The following LOC400499 variants were observed in gnomAD, a reference collection of about 807,000 sequenced individuals.
chr16:11,457,088 T>C, the LOC400499 span: 1 of 1,463,198 alleles, frequency 6.8e-7, no homozygotes, highest in Non-Finnish European at 9.0e-7. Context: ...ATGCCACCCC[T>C]GGCGTAGAAT....
chr16:11,485,809 G>A, the LOC400499 span, among the ~76,000 whole-genome samples: 1 of 152,236 alleles, frequency 6.6e-6, no homozygotes, highest in Non-Finnish European at 1.5e-5. Flanking sequence ...AATGACTGGT[G>A]AGTGGATGGA....
the LOC400499 span, among the ~76,000 whole-genome samples, chr16:11,411,077 GT>G: frequency 3.0e-4 from 45 of 151,934 alleles, no homozygotes; most frequent in African/African-American, 1.1e-3. Context: ...ACCTGGGTAT[GT>G]TTGGGAAAGC....
chr16:11,462,211 G>A, the LOC400499 span: 203 of 1,534,584 alleles, frequency 1.3e-4, 1 homozygote, highest in Middle Eastern at 3.3e-4. Flanking sequence ...CGGTGAAGAC[G>A]ACGGGGCTGC....
chr16:11,486,437 T>C, the LOC400499 span, among the ~76,000 whole-genome samples: 5 of 107,204 alleles, frequency 4.7e-5, no homozygotes, highest in Admixed American at 4.0e-4. Flanking sequence ...GATGGATGGA[T>C]GGATGGATGA....
the LOC400499 span, among the ~76,000 whole-genome samples, chr16:11,516,883 G>A: frequency 6.6e-5 from 10 of 152,168 alleles, no homozygotes; most frequent in Non-Finnish European, 1.0e-4. Flanking sequence ...CTGAGCTCAA[G>A]CAATCCTCCA....
chr16:11,385,260 A>G, the LOC400499 span: 1 of 1,232,322 alleles, frequency 8.1e-7, no homozygotes, highest in Non-Finnish European at 1.0e-6. Context: ...TTCCACGAAC[A>G]GGGCTGTGAG....
chr16:11,472,975 A>T, the LOC400499 span: 1 of 152,128 alleles, frequency 6.6e-6, no homozygotes, highest in Non-Finnish European at 1.5e-5. Flanking sequence ...TAAAATTAAA[A>T]AAAATTAGCC....
chr16:11,457,281 G>C, the LOC400499 span: 18 of 478,590 alleles, frequency 3.8e-5, no homozygotes, highest in East Asian at 3.8e-4. Context: ...GTGGAAAACA[G>C]TGTGGCAGTT....
the LOC400499 span, chr16:11,435,727 G>C: frequency 2.5e-6 from 1 of 399,248 alleles, no homozygotes; most frequent in Non-Finnish European, 4.4e-6. Context: ...GGACAGCCTG[G>C]TGGAGAAGGA....
chr16:11,450,048 G>A, the LOC400499 span, among the ~76,000 whole-genome samples: 1 of 152,114 alleles, frequency 6.6e-6, no homozygotes, highest in Non-Finnish European at 1.5e-5. Flanking sequence ...CTCCAACCTG[G>A]TGCCACCCAG....
At chr16:11,507,000 T>G in the LOC400499 span, among the ~76,000 whole-genome samples, 1 of 152,154 alleles carries the variant, frequency 6.6e-6, no homozygotes, top group South Asian at 2.1e-4. Context: ...TTCCTTTTTT[T>G]CAATGCTGTA....
the LOC400499 span, among the ~76,000 whole-genome samples, chr16:11,466,548 C>A: frequency 6.6e-6 from 1 of 152,028 alleles, no homozygotes; most frequent in Admixed American, 6.6e-5. Flanking sequence ...GCCACCATAC[C>A]CGGCTACTTT....
the LOC400499 span, among the ~76,000 whole-genome samples, chr16:11,522,712 C>A: frequency 2.0e-4 from 30 of 152,184 alleles, no homozygotes; most frequent in Non-Finnish European, 2.1e-4. Flanking sequence ...GGGATTCCAC[C>A]CTTGGGAGTC....
the LOC400499 span, among the ~76,000 whole-genome samples, chr16:11,453,104 A>G: frequency 6.6e-6 from 1 of 152,110 alleles, no homozygotes; most frequent in Non-Finnish European, 1.5e-5. Context: ...ACTCTCCCCT[A>G]ATGGGATCCA....
At chr16:11,372,832 G>A in the LOC400499 span, 1 of 425,822 alleles carries the variant, frequency 2.3e-6, no homozygotes, top group African/African-American at 2.2e-5. Context: ...AGGGCCCCTG[G>A]CCTTCATTAT....
the LOC400499 span, among the ~76,000 whole-genome samples, chr16:11,480,884 C>G: frequency 1.3e-5 from 2 of 152,150 alleles, no homozygotes; most frequent in Non-Finnish European, 2.9e-5. Context: ...AATTTTAAAC[C>G]AAAGTCAGAC....
the LOC400499 span, among the ~76,000 whole-genome samples, chr16:11,498,771 C>T: frequency 1.9e-3 from 285 of 151,794 alleles, 1 homozygote; most frequent in Middle Eastern, 6.8e-3. Flanking sequence ...CTCCACAAGC[C>T]GATCGATGCC....
the LOC400499 span, chr16:11,502,087 G>C: frequency 5.5e-5 from 22 of 399,058 alleles, no homozygotes; most frequent in African/African-American, 3.9e-4. Flanking sequence ...CCATTGTCTC[G>C]GCATTTGAAG....
At chr16:11,459,169 G>GA in the LOC400499 span, among the ~76,000 whole-genome samples, 1 of 148,776 alleles carries the variant, frequency 6.7e-6, no homozygotes, top group Non-Finnish European at 1.5e-5. Context: ...TGTGAAAAGG[G>GA]AAAAAATATC....
Sources: gnomAD v4.1 joint callset for allele counts (sites outside exome capture counted in the v4.1 genomes callset) on GRCh38, gnomAD v4.1.1 for gene constraint, MANE v1.5 for transcripts.